HK1: variants seen among roughly 807,000 people sequenced by gnomAD.
The protein encoded by HK1 is hexokinase-1.
Under a neutral mutation model 91.6 loss-of-function variants are expected in HK1, and 28 were observed. The ratio of observed to expected loss-of-function variants is 0.31; its 90% CI spans 0.23 to 0.42. The LOEUF (loss-of-function observed/expected upper bound fraction) is 0.42, where lower values mean the gene tolerates loss of function less well. HK1 is among the 10% of genes least tolerant of loss of function. The probability of loss-of-function intolerance (pLI) is 1.00; values close to 1 mark genes in which losing one functional copy is unlikely to be tolerated. For synonymous variants in HK1, 430 were observed against 468.1 expected, an observed-to-expected ratio of 0.92 and a Z score of 1.05; for missense variants, 770 against 1,219.8, an observed-to-expected ratio of 0.63 and a Z score of 5.49.
intron 1 of HK1, among the ~76,000 whole-genome samples, chr10:69,274,907 T>A (rs1844355768): frequency 1.3e-5 from 2 of 152,106 alleles, no homozygotes; most frequent in South Asian, 4.1e-4. Context: ...GCAAGTCTAA[T>A]CTCCCCCAAC....
At chr10:69,344,139 C>G in intron 2 of HK1, 150 bp downstream of exon 2, 1 of 809,040 alleles carries the variant, frequency 1.2e-6, no homozygotes, top group Non-Finnish European at 2.1e-6. Context: ...ATCCGCTGAT[C>G]CATCTGCTGA....
Position 69,347,648 on chromosome 10 carries a change from C to A in HK1, c.226+3659C>A, listed in dbSNP as rs150452651. ...ACGAGGTTTCACCATGTTGGCCAGA[C>A]TGGTCTCGAACTCCTGACCTTGTGA... On this transcript the variant is annotated intron_variant, in intron 2 of 17. Coordinates refer to ENST00000359426, the MANE Select transcript of HK1 (RefSeq NM_000188.3). Among the ~76,000 whole-genome samples the A allele has an allele frequency of 2.9e-3, 438 of 152,106 alleles. 1 individual carries two copies. The highest frequency in any genetic ancestry group is 0.01 in the African/African-American group (419 of 41,488).
At chr10:69,273,501 C>T (rs921271489) in intron 1 of HK1, among the ~76,000 whole-genome samples, 18 of 152,330 alleles carry the variant, frequency 1.2e-4, no homozygotes, top group African/African-American at 4.1e-4. Context: ...CAGGCATGAG[C>T]CACCGCTCCC....
chr10:69,278,033 C>A (rs1272684656), intron 1 of HK1, among the ~76,000 whole-genome samples: 47 of 146,474 alleles, frequency 3.2e-4, no homozygotes, highest in Admixed American at 4.0e-4. Flanking sequence ...GACTCCGTCT[C>A]AAAAAAAAAA....
chr10:69,316,747 G>A (rs937706414), upstream of HK1, among the ~76,000 whole-genome samples: 1 of 152,250 alleles, frequency 6.6e-6, no homozygotes, highest in Admixed American at 6.5e-5. Flanking sequence ...TAAGGGCCAT[G>A]TTTTTGATTA....
At chr10:69,296,097 A>G in intron 4 of HK1, 1 of 221,080 alleles carries the variant, frequency 4.5e-6, no homozygotes, top group African/African-American at 2.3e-5. Flanking sequence ...GCACTTCAAT[A>G]TGGACAAGTT....
rs186952089 is a variant in HK1 at position 69,393,756 on chromosome 10, C to T, written c.2220-1194C>T. 8.5e-5 allele frequency among the ~76,000 whole-genome samples: 13 copies of T among 152,312 alleles called. No homozygotes were observed. In the East Asian group the frequency reaches 2.5e-3, roughly 29 times the overall value. On this transcript the variant is annotated intron_variant, in intron 15 of 17. Transcript: ENST00000359426. ...ACCAAATGACCTGAACTAAGACCCCCTTTGGGCTGAGTGCAGTCTATCATC... is the reference window on the plus strand; with the variant it reads ...ACCAAATGACCTGAACTAAGACCCCTTTTGGGCTGAGTGCAGTCTATCATC...
At chr10:69,353,910 G>A (rs543183631) in intron 2 of HK1, among the ~76,000 whole-genome samples, 159 of 152,332 alleles carry the variant, frequency 1.0e-3, no homozygotes, top group African/African-American at 3.6e-3. Context: ...TAGGAACCCC[G>A]ATTTATAGTG....
chr10:69,335,008 AG>A (rs1847906360), intron 1 of HK1, among the ~76,000 whole-genome samples: 1 of 152,092 alleles, frequency 6.6e-6, no homozygotes, highest in Non-Finnish European at 1.5e-5. Flanking sequence ...CTTGCGAGGA[AG>A]GACCTTTGAG....
chr10:69,308,023 G>A lies in HK1; in HGVS notation c.27+7162G>A, dbSNP rs188542709. Among the ~76,000 whole-genome samples the A allele has an allele frequency of 2.6e-5, 4 of 152,168 alleles. No individual in the cohort carries two copies. The East Asian group carries it at 7.7e-4, about 29-fold the overall frequency. ...CAGCTAATTTTTTGTATTTTTAATA[G>A]AGACGGGGTTTCATCATGATTGCCA... On this transcript the variant is annotated intron_variant, in intron 5 of 21. Coordinates refer to the HK1 transcript ENST00000360289.
intron 1 of HK1, among the ~76,000 whole-genome samples, chr10:69,278,993 TG>T (rs756822890): frequency 5.9e-5 from 9 of 152,192 alleles, no homozygotes; most frequent in Non-Finnish European, 1.2e-4. Flanking sequence ...GTTTTTATTG[TG>T]GGGTGACTCT....
chr10:69,392,675 A>C (rs976459116), intron 15 of HK1, among the ~76,000 whole-genome samples: 1 of 152,174 alleles, frequency 6.6e-6, no homozygotes, highest in Non-Finnish European at 1.5e-5. Context: ...GCCCTGTCGC[A>C]ATCGTCCTTT....
Position 69,394,829 on chromosome 10 carries a change from A to G in HK1, c.2220-121A>G, listed in dbSNP as rs1345429528. On this transcript the variant is annotated intron_variant, in intron 15 of 17. Transcript: ENST00000359426. ...TCTGCGGCAGAGCACAGGGCTGGGC[A>G]CATGGCTGTTGATGATGCGCTTGAG... The G allele has an allele frequency of 3.1e-6, 3 of 954,762 alleles. No homozygotes were observed. The African/African-American group carries it at 4.8e-5, about 15-fold the overall frequency. 59.1% of individuals were successfully genotyped at this position (954,762 alleles called of 1,614,324 possible). A position where few individuals can be genotyped will look rare whatever the true frequency, so the allele number is the denominator to read the frequency against.
chr10:69,305,472 T>C (rs1846060793), intron 5 of HK1, among the ~76,000 whole-genome samples: 1 of 152,112 alleles, frequency 6.6e-6, no homozygotes, highest in Admixed American at 6.6e-5. Context: ...TATATTTAAT[T>C]AGCCATTTGT....
rs139012850 is a variant in HK1 at position 69,342,196 on chromosome 10, A to AACAC, written c.64-1630_64-1629insCACA. 5.6e-3 allele frequency among the ~76,000 whole-genome samples: 843 copies of AACAC among 151,674 alleles called. 5 individuals are homozygous for AACAC. Among genetic ancestry groups the AACAC allele is most frequent in the African/African-American group, 8.7e-3 (358 of 41,306 alleles). ...AAACAAACAAACAAACAAACAAACA[A>AACAC]AGGAAAAAACACCAGTGTTAAGGTC... On this transcript the variant is annotated intron_variant, in intron 1 of 17. Transcript: ENST00000359426.
chr10:69,301,983 C>G (rs1276439051), intron 5 of HK1, among the ~76,000 whole-genome samples: 1 of 152,158 alleles, frequency 6.6e-6, no homozygotes, highest in Non-Finnish European at 1.5e-5. Flanking sequence ...TGGTGGCTCA[C>G]ACTTGTAATC....
intron 13 of HK1, among the ~76,000 whole-genome samples, chr10:69,388,404 G>A (rs760134046): frequency 1.4e-4 from 21 of 152,056 alleles, no homozygotes; most frequent in Non-Finnish European, 2.1e-4. Flanking sequence ...CCGTGGTTGC[G>A]GTAGTACACT....
upstream of HK1, among the ~76,000 whole-genome samples, chr10:69,315,558 G>A (rs1008590140): frequency 4.6e-5 from 7 of 152,304 alleles, no homozygotes; most frequent in East Asian, 5.8e-4. Flanking sequence ...GGGAGTAACT[G>A]TCAAGGAGCC....
chr10:69,341,529 A>G (rs73265751), intron 1 of HK1, among the ~76,000 whole-genome samples: 10 of 151,628 alleles, frequency 6.6e-5, no homozygotes, highest in African/African-American at 2.2e-4. Context: ...CAGTGGTTCA[A>G]TCATGGCTCA....
Sources: allele counts gnomAD v4.1 joint callset (sites outside exome capture counted in the v4.1 genomes callset), GRCh38; gene constraint gnomAD v4.1.1; transcripts MANE v1.5; gene names NCBI Gene and HGNC (gene_info 2026-07-23, HGNC 2026-07-21).